PDE4C: variants seen among roughly 807,000 people sequenced by gnomAD.
The protein encoded by PDE4C is 3',5'-cyclic-AMP phosphodiesterase 4C.
A neutral mutation model predicts 63.9 loss-of-function variants in PDE4C; 50 were observed. The observed-to-expected ratio is 0.78, with a 90% CI of 0.62 to 0.99. The LOEUF is 0.99. Ranked by LOEUF, PDE4C falls within the 50% of genes least tolerant of loss-of-function variation. The pLI is 0.00. For synonymous variants in PDE4C, 377 were observed against 385.1 expected (o/e 0.98, Z 0.25); for missense variants, 777 against 899.1 (o/e 0.86, Z 1.74).
upstream of PDE4C, among the ~76,000 whole-genome samples, chr19:18,251,558 C>T (rs1408904898): frequency 6.6e-6 from 1 of 151,906 alleles, no homozygotes; most frequent in Non-Finnish European, 1.5e-5. Context: ...CCTCAGCCTC[C>T]CGAGTTGCTG....
In PDE4C at chr19:18,221,209, G is replaced by A. The variant is rs758434619; in HGVS notation, c.376-31C>T. On this transcript the variant is annotated intron_variant, in intron 3 of 14. Transcript: ENST00000262805. The stretch of plus-strand genomic sequence containing the variant: ...GGGAGGAGGTGGTAGGCGGTGGGAA[G>A]GAGAGGCCGGATCCGGAGGGGGTCA... 1.9e-5 allele frequency: 29 copies of A among 1,564,064 alleles called. No individual in the cohort carries two copies. In the Admixed American group the frequency reaches 5.7e-4, roughly 31 times the overall value.
exon 11 of PDE4C, chr19:18,218,167 G>C: frequency 6.2e-7 from 1 of 1,613,808 alleles, no homozygotes; most frequent in Non-Finnish European, 8.5e-7. Context: ...ATCAGAAACT[G>C]GTTGGAGACC....
At chr19:18,219,246 C>T (rs866899800) in exon 8 of PDE4C, 3 of 1,614,092 alleles carry the variant, frequency 1.9e-6, no homozygotes, top group South Asian at 2.2e-5. Context: ...TGGCCAGTTG[C>T]TCCTCCTGGT....
intron 4 of PDE4C, 56 bp downstream of exon 4, chr19:18,221,049 T>TCCGCCAGGCCCCGGCCCACC (rs533243837): frequency 3.2e-6 from 4 of 1,241,014 alleles, no homozygotes; most frequent in Non-Finnish European, 4.6e-6. Flanking sequence ...CAGCCCGCTT[T>TCCGCCAGGCCCCGGCCCACC]CCGCCCACCT....
intron 12 of PDE4C, 59 bp downstream of exon 12, chr19:18,216,682 T>G: frequency 7.3e-5 from 108 of 1,488,534 alleles, no homozygotes; most frequent in Non-Finnish European, 8.9e-5. Context: ...TGTCTGCAGA[T>G]GAGAAGGATG....
At chr19:18,225,877 A>C in intron 1 of PDE4C, 1 of 179,152 alleles carries the variant, frequency 5.6e-6, no homozygotes, top group Non-Finnish European at 1.2e-5. Flanking sequence ...GCACCAAGGG[A>C]AGGAGTGCCC....
chr19:18,222,295 C>G, exon 2 of PDE4C: 1 of 1,611,658 alleles, frequency 6.2e-7, no homozygotes, highest in South Asian at 1.1e-5. Flanking sequence ...GCCCTCCTCC[C>G]ACACGAGAGC....
chr19:18,213,109 C>T (rs982459668), intron 13 of PDE4C, among the ~76,000 whole-genome samples: 5 of 150,686 alleles, frequency 3.3e-5, no homozygotes, highest in East Asian at 2.0e-4. Flanking sequence ...GGTGAAACCC[C>T]GTCTCTACTA....
upstream of PDE4C, among the ~76,000 whole-genome samples, chr19:18,236,543 C>A (rs1600099915): frequency 1.3e-5 from 2 of 152,260 alleles, no homozygotes; most frequent in Middle Eastern, 3.4e-3. Flanking sequence ...AGTTTAAATG[C>A]CACTTCTTCC....
upstream of PDE4C, among the ~76,000 whole-genome samples, chr19:18,248,540 T>C (rs967629393): frequency 6.6e-6 from 1 of 151,086 alleles, no homozygotes; most frequent in Admixed American, 6.6e-5. Context: ...TTGCATATGA[T>C]AGAGTGAGAG....
Position 18,211,744 on chromosome 19 carries a change from C to G in PDE4C, c.1695+15G>C, listed in dbSNP as rs773672947. ...CCTCCCAGTGTCTACCGGTTCAGCC[C>G]AGTCCCCTGCCAACCTGGGACTTCT... On this transcript the variant is annotated intron_variant, in intron 14 of 14. Coordinates refer to ENST00000262805, the Ensembl canonical transcript of PDE4C. 1.6e-5 allele frequency: 26 copies of G among 1,613,826 alleles called. 2 individuals carry two copies. The South Asian group carries it at 2.6e-4, about 16-fold the overall frequency.
chr19:18,226,175 GC>G (rs1968711103), intron 1 of PDE4C, 94 bp downstream of exon 1: 2 of 1,021,846 alleles, frequency 2.0e-6, no homozygotes, highest in African/African-American at 1.6e-5. Flanking sequence ...TCCGGCCCCG[GC>G]CCCAGCTGTC....
At chr19:18,239,718 A>C (rs1969007332) in intron 1 of PDE4C, among the ~76,000 whole-genome samples, 2 of 152,098 alleles carry the variant, frequency 1.3e-5, no homozygotes, top group Non-Finnish European at 2.9e-5. Flanking sequence ...CTCCACCACC[A>C]GACTGAGCAT....
At chr19:18,238,394 C>T (rs1968988129), upstream of PDE4C, among the ~76,000 whole-genome samples, 1 of 151,684 alleles carries the variant, frequency 6.6e-6, no homozygotes, top group Non-Finnish European at 1.5e-5. Flanking sequence ...CACCACCACG[C>T]CTGGCTAATT....
At chr19:18,216,705 C>T in intron 12 of PDE4C, 36 bp downstream of exon 12, 2 of 1,548,096 alleles carry the variant, frequency 1.3e-6, no homozygotes, top group Non-Finnish European at 1.8e-6. Context: ...CCGCTCCCCT[C>T]TGCCCCTCCC....
At chr19:18,240,592 G>T (rs1023330909) in intron 1 of PDE4C, among the ~76,000 whole-genome samples, 4 of 152,090 alleles carry the variant, frequency 2.6e-5, no homozygotes, top group Non-Finnish European at 5.9e-5. Context: ...GCTGTGCCTG[G>T]TGGTGCGCAC....
Position 18,218,314 on chromosome 19 carries a change from C to T in PDE4C, c.1134+20G>A. 2 of 1,613,760 alleles carry T rather than the reference C, an allele frequency of 1.2e-6. No individual in the cohort carries two copies. Among genetic ancestry groups the T allele is most frequent in the Non-Finnish European group, 1.7e-6 (2 of 1,179,670 alleles). The stretch of plus-strand genomic sequence containing the variant: ...CTGGGCCCTGCACCCGCCCACCTGC[C>T]TGCAGTCATGGCGCAGTACCTCGAG... On this transcript the variant is annotated intron_variant, in intron 10 of 14. Transcript: ENST00000262805.
At chr19:18,212,837 G>A (rs1248981209) in intron 13 of PDE4C, among the ~76,000 whole-genome samples, 2 of 150,656 alleles carry the variant, frequency 1.3e-5, no homozygotes, top group Non-Finnish European at 3.0e-5. Context: ...ACAGGCGCCC[G>A]CCACCACACC....
In PDE4C at chr19:18,213,457, G is replaced by C. The variant is rs768851834; in HGVS notation, c.1423C>G (p.Leu475Val). 3 of 1,613,520 alleles carry C rather than the reference G, an allele frequency of 1.9e-6. No individual in the cohort carries two copies. The South Asian group carries it at 3.3e-5, about 18-fold the overall frequency. Residue 475 changes from leucine (L) to valine (V), a missense_variant, in exon 13 of 15, where the codon CTC (leucine) becomes GTC (valine). Physicochemically the swap from Leu to Val is conservative, Grantham distance 32 (BLOSUM62 1). Transcript: ENST00000262805. ...ACCATGGTCTTGAGGTCGGCCAGGAGGTTCATGTGTTTGGACATGTCTGTG... is the reference window on the plus strand; with the variant it reads ...ACCATGGTCTTGAGGTCGGCCAGGACGTTCATGTGTTTGGACATGTCTGTG...
Sources: allele counts gnomAD v4.1 joint callset (sites outside exome capture counted in the v4.1 genomes callset), GRCh38; gene constraint gnomAD v4.1.1; transcripts MANE v1.5; gene names NCBI Gene and HGNC (gene_info 2026-07-23, HGNC 2026-07-21).